CCDC57: variants seen among roughly 807,000 people sequenced by gnomAD.
CCDC57 encodes coiled-coil domain containing 57.
In CCDC57, 118 loss-of-function variants were observed where a neutral mutation model predicts 118.9. The observed-to-expected ratio is 0.99, with a 90% CI of 0.86 to 1.16. The LOEUF (loss-of-function observed/expected upper bound fraction) is 1.16, where lower values mean the gene tolerates loss of function less well. Ranked by LOEUF, CCDC57 falls within the 50% of genes most tolerant of loss-of-function variation. The probability of loss-of-function intolerance (pLI) is 0.00; values close to 1 mark genes in which losing one functional copy is unlikely to be tolerated. For synonymous variants in CCDC57, 527 were observed against 532.9 expected, an observed-to-expected ratio of 0.99 and a Z score of 0.15; for missense variants, 1,300 against 1,320.7, an observed-to-expected ratio of 0.98 and a Z score of 0.24.
At chr17:82,106,014 G>A (rs1055922475) in intron 19 of CCDC57, among the ~76,000 whole-genome samples, 1 of 152,220 alleles carries the variant, frequency 6.6e-6, no homozygotes, top group Non-Finnish European at 1.5e-5. Flanking sequence ...ACCACAGGCT[G>A]ACCCCTTGTT....
intron 19 of CCDC57, 72 bp from the exon 19 acceptor site, chr17:82,101,938 C>T: frequency 4.3e-6 from 6 of 1,397,118 alleles, no homozygotes; most frequent in East Asian, 2.4e-5. Context: ...CTCACAGGCA[C>T]TGCACAGGTG....
exon 20 of CCDC57, chr17:82,101,717 G>A (rs757817408): frequency 1.2e-5 from 20 of 1,607,450 alleles, no homozygotes; most frequent in African/African-American, 2.7e-5. Context: ...ATCTTGGGGG[G>A]CCTCTGGCAG....
intron 7 of CCDC57, among the ~76,000 whole-genome samples, chr17:82,190,919 G>A (rs954720857): frequency 1.3e-5 from 2 of 151,316 alleles, no homozygotes; most frequent in African/African-American, 4.9e-5. Context: ...CCAGAAAGAA[G>A]AACATCCTGA....
intron 1 of CCDC57, among the ~76,000 whole-genome samples, chr17:82,209,141 T>C (rs560149630): frequency 6.6e-6 from 1 of 152,164 alleles, no homozygotes; most frequent in African/African-American, 2.4e-5. Flanking sequence ...TTTCTAAAAC[T>C]GAAATAAGAG....
chr17:82,143,291 G>A (rs1338491652), intron 16 of CCDC57, among the ~76,000 whole-genome samples: 1 of 152,040 alleles, frequency 6.6e-6, no homozygotes, highest in Non-Finnish European at 1.5e-5. Flanking sequence ...AAGCAAGAAA[G>A]AATAAAAATA....
At chr17:82,166,423 G>A (rs1289372533) in intron 13 of CCDC57, among the ~76,000 whole-genome samples, 1 of 151,896 alleles carries the variant, frequency 6.6e-6, no homozygotes, top group African/African-American at 2.4e-5. Context: ...TCTGAGGCAG[G>A]AGGGTCACTT....
At chr17:82,148,109 A>G (rs1270438981) in intron 16 of CCDC57, among the ~76,000 whole-genome samples, 17 of 50,126 alleles carry the variant, frequency 3.4e-4, no homozygotes, top group Non-Finnish European at 5.0e-4. Flanking sequence ...TGGGTGGGAT[A>G]AGTGGTTGGA....
At chr17:82,211,867 T>C (rs1203693364) in intron 1 of CCDC57, among the ~76,000 whole-genome samples, 2 of 152,246 alleles carry the variant, frequency 1.3e-5, no homozygotes, top group African/African-American at 4.8e-5. Context: ...GCTCGGTTGA[T>C]GGTACCCAAA....
chr17:82,153,666 C>T (rs1207819423), intron 15 of CCDC57: 2 of 152,218 alleles, frequency 1.3e-5, no homozygotes, highest in African/African-American at 2.4e-5. Flanking sequence ...AATCTTTCCA[C>T]AAAATAAGAT....
At position 82,199,433 on chromosome 17, in the gene CCDC57, G is replaced by A. The variant is rs545415338; in HGVS notation, c.408-1011C>T. ...GCAGAGGTTGCAGTGATCCGAGATC[G>A]CGCCACTGCACTCCAGCCTGGGCGA... On this transcript the variant is annotated intron_variant, in intron 3 of 19. Coordinates refer to ENST00000665763, the Ensembl canonical transcript of CCDC57. Among the ~76,000 whole-genome samples, 63 of 134,160 alleles carry A rather than the reference G, an allele frequency of 4.7e-4. 1 individual carries two copies. In the South Asian group the frequency reaches 0.014, roughly 29 times the overall value. 88.0% of individuals were successfully genotyped at this position (134,160 alleles called of 152,430 possible).
intron 1 of CCDC57, among the ~76,000 whole-genome samples, chr17:82,210,823 G>A (rs1476037927): frequency 3.3e-5 from 5 of 150,874 alleles, no homozygotes; most frequent in South Asian, 2.1e-4. Flanking sequence ...ACGAAACCTC[G>A]TCTCTACTAA....
intron 16 of CCDC57, among the ~76,000 whole-genome samples, chr17:82,136,871 C>T (rs2145469712): frequency 6.6e-6 from 1 of 152,324 alleles, no homozygotes; most frequent in East Asian, 1.9e-4. Context: ...GCATGAGCCA[C>T]TGCACCCAGC....
intron 16 of CCDC57, among the ~76,000 whole-genome samples, chr17:82,144,883 C>A (rs1239985375): frequency 6.6e-6 from 1 of 152,038 alleles, no homozygotes; most frequent in Non-Finnish European, 1.5e-5. Flanking sequence ...AGGAAAATGA[C>A]ATGACGATAA....
At chr17:82,136,126 A>G (rs2039134632) in intron 16 of CCDC57, among the ~76,000 whole-genome samples, 1 of 152,168 alleles carries the variant, frequency 6.6e-6, no homozygotes, top group African/African-American at 2.4e-5. Context: ...CTAGGGAGGC[A>G]TCCAAGAGAA....
chr17:82,105,743 C>T (rs574058989), intron 19 of CCDC57, among the ~76,000 whole-genome samples: 69 of 152,312 alleles, frequency 4.5e-4, no homozygotes, highest in African/African-American at 1.6e-3. Context: ...TTCCCACGGT[C>T]CCTCCACAGG....
At chr17:82,135,826 G>A (rs1053175156) in intron 16 of CCDC57, among the ~76,000 whole-genome samples, 1 of 8,554 alleles carries the variant, frequency 1.2e-4, no homozygotes, top group Non-Finnish European at 0.014. Context: ...CTGGGAGGCC[G>A]GGTGGGGGGG....
chr17:82,149,010 G>GT, intron 16 of CCDC57, among the ~76,000 whole-genome samples: 1 of 81,902 alleles, frequency 1.2e-5, no homozygotes, highest in Non-Finnish European at 2.4e-5. Flanking sequence ...TGGATGGGTG[G>GT]TGGATGGATG....
chr17:82,130,897 T>C (rs1227015611), intron 17 of CCDC57, among the ~76,000 whole-genome samples: 4 of 143,480 alleles, frequency 2.8e-5, no homozygotes, highest in East Asian at 2.2e-4. Context: ...CTGCAACCTC[T>C]GCCTCCTAGG....
intron 19 of CCDC57, among the ~76,000 whole-genome samples, chr17:82,111,796 G>A (rs535033096): frequency 9.4e-4 from 143 of 151,992 alleles, no homozygotes; most frequent in South Asian, 2.5e-3. Flanking sequence ...CAGTAGAGAC[G>A]GGGTTTTACC....
Sources: gnomAD v4.1 joint callset for allele counts (sites outside exome capture counted in the v4.1 genomes callset) on GRCh38, gnomAD v4.1.1 for gene constraint, MANE v1.5 for transcripts, NCBI Gene and HGNC (gene_info 2026-07-23, HGNC 2026-07-21) for gene names.